The following CCDC80 variants were observed in gnomAD, a reference collection of about 807,000 sequenced individuals.
CCDC80 encodes the protein coiled-coil domain-containing protein 80.
Under a neutral mutation model 78.7 loss-of-function variants are expected in CCDC80, and 49 were observed. The ratio of observed to expected loss-of-function variants is 0.62; its 90% confidence interval spans 0.50 to 0.79. The LOEUF (loss-of-function observed/expected upper bound fraction) is 0.79, where lower values mean the gene tolerates loss of function less well. Among genes scored for constraint, CCDC80 ranks in the 30% least tolerant of loss-of-function variants. The pLI, the probability that CCDC80 is intolerant of heterozygous loss-of-function variation, is 0.00. For missense variants in CCDC80, 1,205 were observed against 1,198.6 expected (o/e 1.01, Z -0.08); for synonymous variants, 488 against 447.0 (o/e 1.09, Z -1.16).
chr3:112,628,653 T>C (rs1936029742), intron 3 of CCDC80, among the ~76,000 whole-genome samples: 1 of 152,188 alleles, frequency 6.6e-6, no homozygotes, highest in Admixed American at 6.5e-5. Context: ...AGAATTCATT[T>C]TGTGTCTTTT....
chr3:112,618,953 A>C lies in CCDC80; in HGVS notation c.2172+15T>G. On this transcript the variant is annotated intron_variant, in intron 4 of 7. Transcript: ENST00000206423. ...TAAGAAATAGTACTACATTATTCAG[A>C]ATAAGAAACTGTACCTTGACTCTCA... 6.2e-7 allele frequency: 1 copy of C among 1,612,960 alleles called. No individual in the cohort carries two copies. The highest frequency in any genetic ancestry group is 8.5e-7 in the Non-Finnish European group (1 of 1,179,324).
rs146486433 is a variant in CCDC80, at chr3:112,605,091, A to T, written c.*326T>A. ...ACCAATTAATACAAAAAATAAGAAA[A>T]AGCTTTAAATACATATTTTATAAAA... On this transcript the variant is annotated 3_prime_UTR_variant, in exon 8 of 8. Coordinates refer to ENST00000206423, the MANE Select transcript of CCDC80 (RefSeq NM_199511.3). 1.2e-3 allele frequency: 223 copies of T among 191,180 alleles called. 2 individuals carry two copies. Among genetic ancestry groups the T allele is most frequent in the African/African-American group, 4.9e-3 (212 of 43,160 alleles). The allele number at this position is 191,180 out of a possible 1,614,324, so 11.8% of individuals were successfully genotyped here. A position where few individuals can be genotyped will look rare whatever the true frequency, so the allele number is the denominator to read the frequency against.
chr3:112,605,449 G>A lies in CCDC80; in HGVS notation c.2821C>T (p.His941Tyr). ...GGGTATCCATGGTGATAACTCTCAT[G>A]ATGACGGTAGTCATCCTGGTAACCA... ...QDGYQDDYRH[H>Y]ESYHHGYPY The change falls in exon 8 of 8, where the codon CAT (histidine) becomes TAT (tyrosine). Residue 941 changes from histidine to tyrosine, a missense_variant. Coordinates refer to ENST00000206423, the MANE Select transcript of CCDC80 (RefSeq NM_199511.3). 1 of 1,613,960 alleles carries A rather than the reference G, an allele frequency of 6.2e-7. No homozygotes were observed. Among genetic ancestry groups the A allele is most frequent in the Non-Finnish European group, 8.5e-7 (1 of 1,179,886 alleles).
chr3:112,623,742 T>C (rs769235962), intron 3 of CCDC80, among the ~76,000 whole-genome samples: 8 of 152,148 alleles, frequency 5.3e-5, no homozygotes, highest in Non-Finnish European at 1.0e-4. Flanking sequence ...CTATTAACTC[T>C]TCCTCCACAT....
In CCDC80 at chr3:112,638,885, A is replaced by G. The variant is rs563281484; in HGVS notation, c.1021T>C (p.Leu341=). The G allele has an allele frequency of 3.3e-5, 53 of 1,613,440 alleles. No individual in the cohort carries two copies. The African/African-American group carries it at 6.4e-4, about 19-fold the overall frequency. ...LRKLAATAPA[L]PQPPSTPRAT... ...CTGGGGGTTGAGGGAGGTTGGGGCA[A>G]AGCTGGTGCAGTGGCGGCCAGTTTT... is the stretch of plus-strand genomic sequence containing the variant. The change falls in exon 2 of 8, where the codon TTG becomes CTG. Residue 341 remains leucine (L), a synonymous_variant. Transcript: ENST00000206423.
intron 2 of CCDC80, 141 bp from the exon 3 acceptor site, chr3:112,630,410 A>G (rs1936075148): frequency 2.4e-6 from 2 of 817,484 alleles, no homozygotes; most frequent in Non-Finnish European, 3.9e-6. Context: ...AGTTAGCATA[A>G]TTAGGACCAA....
chr3:112,615,594 G>A (rs1935718593), intron 5 of CCDC80, among the ~76,000 whole-genome samples: 1 of 152,084 alleles, frequency 6.6e-6, no homozygotes, highest in Non-Finnish European at 1.5e-5. Flanking sequence ...GGTAAAATGA[G>A]GCTAAAATCT....
intron 2 of CCDC80, among the ~76,000 whole-genome samples, chr3:112,635,309 T>G (rs1559881640): frequency 1.3e-5 from 2 of 152,264 alleles, no homozygotes; most frequent in African/African-American, 4.8e-5. Context: ...TTTCTTGGAA[T>G]GTAAACCTGC....
rs1935345707 is a variant in CCDC80 at position 112,599,933 on chromosome 3, T to G, written c.*5484A>C. 1 of 152,234 alleles carries G rather than the reference T, an allele frequency of 6.6e-6. No homozygotes were observed. Among genetic ancestry groups the G allele is most frequent in the African/African-American group, 2.4e-5 (1 of 41,454 alleles). 9.4% of individuals were successfully genotyped at this position (152,234 alleles called of 1,614,324 possible). A position where few individuals can be genotyped will look rare whatever the true frequency, so the allele number is the denominator to read the frequency against. ...CAAGAGTCTTCCAGATTTCCCCAAC[T>G]CTACAGAATGCTTTTCTTTTTAAAT... is the stretch of plus-strand genomic sequence containing the variant. On this transcript the variant is annotated 3_prime_UTR_variant, in exon 8 of 8. Transcript: ENST00000206423.
chr3:112,616,728 A>C lies in CCDC80; in HGVS notation c.2303T>G (p.Leu768Arg). ...IVCKEDKKQS[L>R]ENFLSRFRWR... ...GATGTACCTGGATAGGAAGTTCTCC[A>C]GGGACTGCTTTTTGTCCTCTTTGCA... Residue 768 changes from leucine (L) to arginine (R), a missense_variant, in exon 5 of 8, where the codon CTG (leucine) becomes CGG (arginine). Physicochemically the swap from Leu to Arg is moderately radical, Grantham distance 102. Coordinates refer to ENST00000206423, the MANE Select transcript of CCDC80 (RefSeq NM_199511.3). 1.2e-6 allele frequency: 2 copies of C among 1,614,214 alleles called. No individual in the cohort carries two copies. The highest frequency in any genetic ancestry group is 1.7e-6 in the Non-Finnish European group (2 of 1,180,016).
At chr3:112,625,032 T>A (rs940033874) in intron 3 of CCDC80, among the ~76,000 whole-genome samples, 1 of 152,234 alleles carries the variant, frequency 6.6e-6, no homozygotes, top group Non-Finnish European at 1.5e-5. Context: ...GGAGTCTGAA[T>A]TTTTTTCCAA....
intron 3 of CCDC80, among the ~76,000 whole-genome samples, chr3:112,620,460 T>G (rs1935843411): frequency 1.3e-5 from 2 of 152,142 alleles, no homozygotes; most frequent in South Asian, 2.1e-4. Context: ...TAGAAAAAAT[T>G]TAAATTAATT....
At chr3:112,616,906 C>T in intron 4 of CCDC80, 48 bp from the exon 5 acceptor site, 1 of 1,584,522 alleles carries the variant, frequency 6.3e-7, no homozygotes. Context: ...TGCATTTCTT[C>T]TCTCTATTCA....
chr3:112,611,304 C>T (rs1028900248), intron 5 of CCDC80, among the ~76,000 whole-genome samples: 1 of 152,198 alleles, frequency 6.6e-6, no homozygotes, highest in African/African-American at 2.4e-5. Flanking sequence ...AAGTTATCCA[C>T]ATGATAACAT....
intron 4 of CCDC80, among the ~76,000 whole-genome samples, chr3:112,617,610 C>A (rs541361107): frequency 6.0e-4 from 91 of 152,346 alleles, no homozygotes; most frequent in African/African-American, 2.1e-3. Context: ...AGAGATGAGA[C>A]AACATGTGTG....
rs1469389156 is a variant in CCDC80, at chr3:112,602,583, T to C, written c.*2834A>G. The C allele has an allele frequency of 6.6e-6, 1 of 152,220 alleles. No homozygotes were observed. Among genetic ancestry groups the C allele is most frequent in the Non-Finnish European group, 1.5e-5 (1 of 68,048 alleles). 9.4% of individuals were successfully genotyped at this position (152,220 alleles called of 1,614,324 possible). ...AAAAGTAAAACAGCCTTACTGCTGA[T>C]ATGGAGAAACTTTGAGTCATCTGAA... On this transcript the variant is annotated 3_prime_UTR_variant, in exon 8 of 8. Transcript: ENST00000206423.
intron 5 of CCDC80, among the ~76,000 whole-genome samples, chr3:112,611,734 T>C (rs1935633482): frequency 1.3e-5 from 2 of 152,232 alleles, no homozygotes; most frequent in African/African-American, 4.8e-5. Context: ...CTGTATAGCG[T>C]TGTCTCAACT....
rs752276251 is a variant in CCDC80, at chr3:112,638,522, G to A, written c.1384C>T (p.Arg462Cys). Residue 462 changes from arginine to cysteine, a missense_variant, in exon 2 of 8, where the codon CGT (arginine) becomes TGT (cysteine). Transcript: ENST00000206423. ...CTGTCCATGCGGTTGTCCCGGAAAC[G>A]GCCTGGGCCAGCAGCCCTTGTGCTG... ...EPSTRAAGPG[R>C]FRDNRMDRRE... is the part of the protein sequence containing the mutation. The A allele has an allele frequency of 1.8e-5, 29 of 1,613,970 alleles. No homozygotes were observed. Among genetic ancestry groups the A allele is most frequent in the Non-Finnish European group, 2.0e-5 (24 of 1,180,040 alleles).
Position 112,638,084 on chromosome 3 carries a change from G to T in CCDC80, c.1822C>A (p.Pro608Thr), listed in dbSNP as rs746347134. The T allele has an allele frequency of 1.2e-6, 2 of 1,613,340 alleles. No individual in the cohort carries two copies. Among genetic ancestry groups the T allele is most frequent in the African/African-American group, 2.7e-5 (2 of 74,836 alleles). The change falls in exon 2 of 8, where the codon CCC becomes ACC. Residue 608 changes from proline to threonine, a missense_variant. By Grantham distance (38) the Pro-to-Thr change is conservative (BLOSUM62 -1). Transcript: ENST00000206423. ...KPTNKHFTQS[P>T]KKSVADLLGS... ...AGCAGGTCGGCCACTGACTTCTTGG[G>T]ACTCTGCGTGAAGTGTTTGTTGGTG...
Sources: allele counts gnomAD v4.1 joint callset (sites outside exome capture counted in the v4.1 genomes callset), GRCh38; gene constraint gnomAD v4.1.1; transcripts MANE v1.5; gene names NCBI Gene and HGNC (gene_info 2026-07-23, HGNC 2026-07-21).